Variants in NPAS3 observed in about 807,000 individuals in gnomAD.
NPAS3 encodes neuronal PAS domain protein 3.
NPAS3 carries 14 observed loss-of-function variants against 73.1 expected under a neutral mutation model. The ratio of observed to expected loss-of-function variants is 0.19; its 90% CI spans 0.13 to 0.30. NPAS3 has a LOEUF of 0.30. Among genes scored for constraint, NPAS3 ranks in the 10% least tolerant of loss-of-function variants. The probability of loss-of-function intolerance (pLI) is 1.00; values close to 1 mark genes in which losing one functional copy is unlikely to be tolerated. For missense variants in NPAS3, 1,096 were observed against 1,250.0 expected (o/e 0.88, Z 1.86); for synonymous variants, 620 against 541.5 (o/e 1.14, Z -2.01).
At chr14:33,024,262 C>T (rs2039719254) in intron 1 of NPAS3, among the ~76,000 whole-genome samples, 1 of 151,772 alleles carries the variant, frequency 6.6e-6, no homozygotes, top group Admixed American at 6.6e-5. Context: ...ACCTCCACCT[C>T]CTGGGTTCAA....
intron 2 of NPAS3, among the ~76,000 whole-genome samples, chr14:33,148,144 C>A (rs113997771): frequency 0.018 from 2,799 of 152,150 alleles, 68 homozygotes; most frequent in African/African-American, 0.063. Context: ...GGCAATTAAT[C>A]CTGAGTGTGT....
chr14:33,426,826 A>G (rs926204616), intron 4 of NPAS3, among the ~76,000 whole-genome samples: 5 of 152,066 alleles, frequency 3.3e-5, no homozygotes, highest in Non-Finnish European at 7.4e-5. Context: ...CTCTCACTTT[A>G]TCATGGAAAG....
intron 1 of NPAS3, among the ~76,000 whole-genome samples, chr14:32,977,827 A>T (rs907372305): frequency 2.6e-5 from 4 of 152,212 alleles, no homozygotes; most frequent in Non-Finnish European, 5.9e-5. Context: ...GTGTCTGAAG[A>T]TCTGAAATCT....
At chr14:33,786,202 G>A (rs1230109453) in intron 9 of NPAS3, among the ~76,000 whole-genome samples, 1 of 152,166 alleles carries the variant, frequency 6.6e-6, no homozygotes, top group Non-Finnish European at 1.5e-5. Context: ...CAGAATAGCT[G>A]TTGAGCAGAC....
At chr14:33,093,405 A>G (rs2042297139) in intron 2 of NPAS3, among the ~76,000 whole-genome samples, 1 of 152,234 alleles carries the variant, frequency 6.6e-6, no homozygotes, top group Non-Finnish European at 1.5e-5. Context: ...AATGCAAATC[A>G]AAACCACAAT....
At chr14:33,103,405 A>G (rs892712761) in intron 2 of NPAS3, among the ~76,000 whole-genome samples, 2 of 152,074 alleles carry the variant, frequency 1.3e-5, no homozygotes, top group Non-Finnish European at 2.9e-5. Context: ...TGTTCTGTAT[A>G]TTATTTCTGG....
At chr14:33,393,587 C>T (rs1423533742) in intron 4 of NPAS3, among the ~76,000 whole-genome samples, 1 of 152,144 alleles carries the variant, frequency 6.6e-6, no homozygotes, top group East Asian at 1.9e-4. Flanking sequence ...ACTTTAATTA[C>T]TCATGTAACA....
intron 9 of NPAS3, among the ~76,000 whole-genome samples, chr14:33,793,274 C>T (rs550032091): frequency 6.6e-6 from 1 of 152,332 alleles, no homozygotes; most frequent in Admixed American, 6.5e-5. Flanking sequence ...GTGTTTCTCT[C>T]TGACTCCACT....
intron 1 of NPAS3, among the ~76,000 whole-genome samples, chr14:32,955,577 G>T (rs2036642335): frequency 6.6e-6 from 1 of 152,106 alleles, no homozygotes; most frequent in Non-Finnish European, 1.5e-5. Context: ...GATGGATGAT[G>T]AAGAAATAAA....
At chr14:32,934,965 C>G (rs1419401423), upstream of NPAS3, 1 of 1,308,820 alleles carries the variant, frequency 7.6e-7, no homozygotes, top group Non-Finnish European at 9.8e-7. The surrounding 1 kb of genome is among the most constrained non-coding windows in gnomAD (Gnocchi z 4.1). Context: ...CCAACGGCAC[C>G]CCGCAGAACG....
chr14:33,302,911 C>CTT (rs527786607), intron 3 of NPAS3, among the ~76,000 whole-genome samples: 5 of 143,836 alleles, frequency 3.5e-5, no homozygotes, highest in Non-Finnish European at 4.6e-5. Flanking sequence ...GCCTCTCTCT[C>CTT]TTTTTTTTTT....
chr14:33,440,421 G>A (rs141858728), intron 4 of NPAS3, among the ~76,000 whole-genome samples: 12 of 152,296 alleles, frequency 7.9e-5, no homozygotes, highest in East Asian at 3.9e-4. Flanking sequence ...GACTACTTTC[G>A]TTGGAGTTTC....
chr14:33,411,276 G>A (rs756550171), intron 4 of NPAS3, among the ~76,000 whole-genome samples: 149 of 152,198 alleles, frequency 9.8e-4, no homozygotes, highest in Admixed American at 3.0e-3. Context: ...GCAACCTCCT[G>A]GGTTCAAGCG....
intron 4 of NPAS3, among the ~76,000 whole-genome samples, chr14:33,548,159 A>C (rs1310491890): frequency 6.6e-6 from 1 of 152,224 alleles, no homozygotes; most frequent in African/African-American, 2.4e-5. Flanking sequence ...AAGACTAAGT[A>C]AGAGGTGACA....
At chr14:33,145,687 T>C (rs999098750) in intron 2 of NPAS3, among the ~76,000 whole-genome samples, 5 of 152,190 alleles carry the variant, frequency 3.3e-5, no homozygotes, top group Non-Finnish European at 5.9e-5. Flanking sequence ...TAAGTTTTGC[T>C]ATGTACTGTG....
intron 7 of NPAS3, among the ~76,000 whole-genome samples, chr14:33,762,677 C>T (rs532435902): frequency 7.7e-4 from 117 of 152,238 alleles, no homozygotes; most frequent in African/African-American, 2.8e-3. Context: ...ACCACACCCT[C>T]ATCTATTTAA....
At chr14:33,500,845 G>GA (rs1425326773) in intron 4 of NPAS3, among the ~76,000 whole-genome samples, 1 of 151,948 alleles carries the variant, frequency 6.6e-6, no homozygotes, top group Non-Finnish European at 1.5e-5. Flanking sequence ...GATGAAAAGA[G>GA]AAAAGCCAGC....
chr14:33,211,355 C>T (rs1367212171), intron 2 of NPAS3, among the ~76,000 whole-genome samples: 3 of 152,166 alleles, frequency 2.0e-5, no homozygotes, highest in South Asian at 2.1e-4. Flanking sequence ...CCAAGGTGGG[C>T]GGATCACTTG....
chr14:33,704,307 C>A (rs914371618), intron 6 of NPAS3, among the ~76,000 whole-genome samples: 4 of 151,976 alleles, frequency 2.6e-5, no homozygotes, highest in African/African-American at 9.7e-5. Flanking sequence ...TTTTTAAGTT[C>A]TTGTAACAAC....
Sources: gnomAD v4.1 joint callset for allele counts (sites outside exome capture counted in the v4.1 genomes callset) on GRCh38, gnomAD v4.1.1 for gene constraint, Gnocchi (gnomAD v3.1) non-coding constraint, MANE v1.5 for transcripts, NCBI Gene and HGNC (gene_info 2026-07-23, HGNC 2026-07-21) for gene names.